The following CHST11 variants were observed in gnomAD, a reference collection of about 807,000 sequenced individuals.
The protein encoded by CHST11 is C4S-1.
CHST11 carries 9 observed loss-of-function variants against 30.4 expected under a neutral mutation model. The observed-to-expected ratio is 0.30, with a 90% CI of 0.18 to 0.52. The LOEUF (loss-of-function observed/expected upper bound fraction) is 0.52, where lower values mean the gene tolerates loss of function less well. CHST11 is among the 20% of genes least tolerant of loss of function. CHST11 has a pLI of 0.97. For missense variants in CHST11, 348 were observed against 460.6 expected (o/e 0.76, Z 2.24); for synonymous variants, 152 against 187.8 (o/e 0.81, Z 1.56).
rs148195566 is a variant in CHST11 at position 104,724,711 on chromosome 12, C to T, written c.205-32238C>T. Among the ~76,000 whole-genome samples the T allele has an allele frequency of 5.5e-3, 833 of 152,154 alleles. 12 individuals are homozygous for T. The highest frequency in any genetic ancestry group is 0.019 in the African/African-American group (788 of 41,486). On this transcript the variant is annotated intron_variant, in intron 2 of 2. Transcript: ENST00000303694. ...GGACTCCCTTAGTCTTTCCCTCCAC[C>T]GGTGGAGCTGCCGCAGTTGCCTTAC...
chr12:104,557,548 G>A (rs1022480792), intron 1 of CHST11, among the ~76,000 whole-genome samples: 5 of 152,122 alleles, frequency 3.3e-5, no homozygotes, highest in African/African-American at 9.7e-5. Context: ...GAGGAGCAGG[G>A]CCTGAAGCCC....
intron 1 of CHST11, among the ~76,000 whole-genome samples, chr12:104,481,922 C>T (rs1427219293): frequency 2.7e-5 from 4 of 150,678 alleles, no homozygotes; most frequent in South Asian, 2.1e-4. Context: ...ACTGCAGCCT[C>T]CACCTCCCAT....
chr12:104,517,572 C>T (rs2135985740), intron 1 of CHST11, among the ~76,000 whole-genome samples: 1 of 152,280 alleles, frequency 6.6e-6, no homozygotes, highest in African/African-American at 2.4e-5. Context: ...GGGGTCTGAT[C>T]CTGCATTTGT....
At chr12:104,549,459 A>C (rs1592757783) in intron 1 of CHST11, among the ~76,000 whole-genome samples, 1 of 152,288 alleles carries the variant, frequency 6.6e-6, no homozygotes, top group East Asian at 1.9e-4. Context: ...TCCTCTTCTT[A>C]ATTTTTGCAG....
intron 2 of CHST11, among the ~76,000 whole-genome samples, chr12:104,703,994 G>C (rs1319264795): frequency 2.0e-5 from 3 of 152,204 alleles, no homozygotes; most frequent in Admixed American, 2.0e-4. Context: ...TTAGGGCCTG[G>C]TTCGTAGCTG....
intron 1 of CHST11, among the ~76,000 whole-genome samples, chr12:104,567,809 C>A (rs2038582667): frequency 6.6e-6 from 1 of 152,152 alleles, no homozygotes; most frequent in African/African-American, 2.4e-5. Flanking sequence ...CTTGAGGGCT[C>A]TGCCTTCATG....
intron 2 of CHST11, among the ~76,000 whole-genome samples, chr12:104,740,421 T>TC (rs987831422): frequency 6.6e-6 from 1 of 152,176 alleles, no homozygotes; most frequent in Admixed American, 6.5e-5. Flanking sequence ...TCCCTGCACC[T>TC]CCAACAAGGG....
chr12:104,585,868 C>A (rs922610354), intron 1 of CHST11, among the ~76,000 whole-genome samples: 1 of 152,132 alleles, frequency 6.6e-6, no homozygotes, highest in Non-Finnish European at 1.5e-5. Flanking sequence ...CTAGGCATGT[C>A]CTGGCCTGTA....
chr12:104,651,043 G>A (rs2039485221), intron 2 of CHST11, among the ~76,000 whole-genome samples: 1 of 152,134 alleles, frequency 6.6e-6, no homozygotes, highest in Non-Finnish European at 1.5e-5. Flanking sequence ...CTAATTTTTA[G>A]CCCCATTTTC....
chr12:104,543,710 A>G (rs2038307107), intron 1 of CHST11, among the ~76,000 whole-genome samples: 3 of 152,140 alleles, frequency 2.0e-5, no homozygotes, highest in Admixed American at 1.3e-4. Flanking sequence ...GTCACTGTAT[A>G]CTTTTTTTCA....
Position 104,654,256 on chromosome 12 carries a change from A to G in CHST11, c.204+52265A>G, listed in dbSNP as rs368450310. ...GGACAAATAAGCCCTGGTGTTCAGA[A>G]TCATCCAAGCTGGTCCCAGTACTTG... On this transcript the variant is annotated intron_variant, in intron 2 of 2. Transcript: ENST00000303694. Among the ~76,000 whole-genome samples, 2 of 152,194 alleles carry G rather than the reference A, an allele frequency of 1.3e-5. 1 individual carries two copies. Among genetic ancestry groups the G allele is most frequent in the South Asian group, 4.1e-4 (2 of 4,834 alleles).
At chr12:104,513,918 T>A (rs1429655580) in intron 1 of CHST11, 2 of 495,752 alleles carry the variant, frequency 4.0e-6, no homozygotes, top group Middle Eastern at 5.8e-4. Context: ...TTTGTGTTGC[T>A]ATAAAGGAAT....
chr12:104,672,506 T>C (rs1305726579), intron 2 of CHST11, among the ~76,000 whole-genome samples: 1 of 152,242 alleles, frequency 6.6e-6, no homozygotes, highest in African/African-American at 2.4e-5. Context: ...CCATGCCTTG[T>C]GGCCATTGAT....
At chr12:104,592,509 C>T (rs1452578836) in intron 1 of CHST11, among the ~76,000 whole-genome samples, 1 of 152,116 alleles carries the variant, frequency 6.6e-6, no homozygotes, top group Non-Finnish European at 1.5e-5. Flanking sequence ...GAGGGCTCTA[C>T]CCCCATGACC....
chr12:104,660,104 G>T (rs1236203042), intron 2 of CHST11, among the ~76,000 whole-genome samples: 1 of 152,212 alleles, frequency 6.6e-6, no homozygotes, highest in Non-Finnish European at 1.5e-5. Flanking sequence ...GACTAGAAAT[G>T]AGACGCTCCA....
intron 2 of CHST11, among the ~76,000 whole-genome samples, chr12:104,667,483 C>T (rs2039652288): frequency 6.6e-6 from 1 of 152,282 alleles, no homozygotes; most frequent in Non-Finnish European, 1.5e-5. Context: ...TCATCCCAGT[C>T]CTTACCTTGC....
At chr12:104,515,668 A>C (rs1018048298) in intron 1 of CHST11, among the ~76,000 whole-genome samples, 1 of 152,112 alleles carries the variant, frequency 6.6e-6, no homozygotes, top group African/African-American at 2.4e-5. Context: ...ATAATACACA[A>C]ATAAAAACTC....
intron 2 of CHST11, among the ~76,000 whole-genome samples, chr12:104,749,725 G>A: frequency 6.6e-6 from 1 of 152,236 alleles, no homozygotes; most frequent in East Asian, 1.9e-4. Flanking sequence ...GAACGTGTTA[G>A]TTGCTGAGGG....
At chr12:104,750,428 CTTTTTTTTTTTTTTTTTTTTT>C (rs10659007) in intron 2 of CHST11, among the ~76,000 whole-genome samples, 2 of 48,828 alleles carry the variant, frequency 4.1e-5, no homozygotes, top group Non-Finnish European at 7.4e-5. Context: ...TATTTCTGCA[CTTTTTTTTTTTTTTTTTTTTT>C]TTTTTTTGTT....
Sources: allele counts gnomAD v4.1 joint callset (sites outside exome capture counted in the v4.1 genomes callset), GRCh38; gene constraint gnomAD v4.1.1; transcripts MANE v1.5; gene names NCBI Gene and HGNC (gene_info 2026-07-23, HGNC 2026-07-21).